SPNS3: variants seen among roughly 807,000 people sequenced by gnomAD.
The protein encoded by SPNS3 is SPNS lysolipid transporter 3, sphingosine-1-phosphate (putative), also known as protein spinster homolog 3.
A neutral mutation model predicts 54.4 loss-of-function variants in SPNS3; 51 were observed. The ratio of observed to expected loss-of-function variants is 0.94; its 90% CI spans 0.75 to 1.18. SPNS3 has a LOEUF of 1.18. SPNS3 is among the 50% of genes most tolerant of loss of function. The probability of loss-of-function intolerance (pLI) is 0.00; values close to 1 mark genes in which losing one functional copy is unlikely to be tolerated. For synonymous variants in SPNS3, 309 were observed against 294.7 expected, an observed-to-expected ratio of 1.05 and a Z score of -0.50; for missense variants, 669 against 677.4, an observed-to-expected ratio of 0.99 and a Z score of 0.14.
intron 8 of SPNS3, among the ~76,000 whole-genome samples, chr17:4,460,454 CAG>C (rs1322139559): frequency 1.7e-5 from 2 of 118,956 alleles, no homozygotes; most frequent in African/African-American, 6.8e-5. Context: ...TTTTTTGAGA[CAG>C]AGTCTCACTC....
Position 4,445,166 on chromosome 17 carries a change from C to CG in SPNS3, c.402+1dup. 1.9e-6 allele frequency: 3 copies of CG among 1,611,986 alleles called. No homozygotes were observed. In the South Asian group the frequency reaches 3.3e-5, roughly 18 times the overall value. On this transcript the variant is annotated frameshift_variant and splice_region_variant, in exon 3 of 12. Coordinates refer to ENST00000355530, the MANE Select transcript of SPNS3 (RefSeq NM_182538.5). LOFTEE classifies it high-confidence loss of function. ...CCTCTCTAGCTCCTTCATCTCCCCC[C>CG]GGGTACGTGTCCATGCCCCTGTCCA... is the stretch of plus-strand genomic sequence containing the variant.
At chr17:4,484,247 C>A (rs563920278) in intron 9 of SPNS3, among the ~76,000 whole-genome samples, 1 of 152,182 alleles carries the variant, frequency 6.6e-6, no homozygotes, top group Non-Finnish European at 1.5e-5. Context: ...TCATCATCTC[C>A]CTCTCATGGG....
chr17:4,485,480 C>T (rs957051153), intron 9 of SPNS3, among the ~76,000 whole-genome samples: 3 of 151,894 alleles, frequency 2.0e-5, no homozygotes. Context: ...TCACTGCAAC[C>T]TCCGCCTCCC....
intron 3 of SPNS3, 50 bp downstream of exon 3, chr17:4,445,218 C>T: frequency 1.9e-6 from 3 of 1,556,138 alleles, no homozygotes; most frequent in Non-Finnish European, 2.6e-6. Context: ...TCCCCACCTG[C>T]TTCCTCCCTG....
chr17:4,458,387 CTTCTTTCT>C (rs74211665), intron 8 of SPNS3, among the ~76,000 whole-genome samples: 2 of 132,554 alleles, frequency 1.5e-5, no homozygotes, highest in Non-Finnish European at 3.2e-5. Flanking sequence ...CCCTTTCTTT[CTTCTTTCT>C]TTCTTTCTTT....
intron 8 of SPNS3, among the ~76,000 whole-genome samples, chr17:4,475,288 CAG>C (rs1971960487): frequency 1.3e-5 from 2 of 152,120 alleles, no homozygotes; most frequent in African/African-American, 2.4e-5. Flanking sequence ...TCTGAGGAGA[CAG>C]GGGCAGAGTC....
At chr17:4,481,327 G>T (rs1036269967) in intron 9 of SPNS3, among the ~76,000 whole-genome samples, 124 of 152,000 alleles carry the variant, frequency 8.2e-4, no homozygotes, top group African/African-American at 2.9e-3. Flanking sequence ...TGGGGACAGG[G>T]TCTGTGGCAG....
intron 2 of SPNS3, among the ~76,000 whole-genome samples, chr17:4,442,718 A>G (rs1013365386): frequency 6.6e-6 from 1 of 152,170 alleles, no homozygotes; most frequent in Non-Finnish European, 1.5e-5. Context: ...ATATCAACTT[A>G]TTTAATCTTC....
chr17:4,471,961 C>T (rs540399752), intron 8 of SPNS3, among the ~76,000 whole-genome samples: 9 of 152,086 alleles, frequency 5.9e-5, no homozygotes, highest in Non-Finnish European at 8.8e-5. Context: ...TGGGTTCAAG[C>T]GATCCTCCTG....
At chr17:4,469,362 C>T (rs564331531) in intron 8 of SPNS3, among the ~76,000 whole-genome samples, 1 of 152,312 alleles carries the variant, frequency 6.6e-6, no homozygotes, top group Admixed American at 6.5e-5. Context: ...GCTGGGATTA[C>T]AGGCGTGAGC....
chr17:4,460,967 G>A (rs1019170235), intron 8 of SPNS3, among the ~76,000 whole-genome samples: 44 of 152,142 alleles, frequency 2.9e-4, no homozygotes, highest in African/African-American at 1.0e-3. Context: ...CACCAGCGAA[G>A]CCATCTGGTT....
At chr17:4,458,650 C>CTTTCTTTCTTTCTTTCTTTCT (rs1971412374) in intron 8 of SPNS3, among the ~76,000 whole-genome samples, 1 of 46,328 alleles carries the variant, frequency 2.2e-5, no homozygotes, top group African/African-American at 7.9e-5. Flanking sequence ...TCTTTCTTTC[C>CTTTCTTTCTTTCTTTCTTTCT]TTCCTTCTTT....
intron 8 of SPNS3, among the ~76,000 whole-genome samples, chr17:4,467,768 T>C (rs7224249): frequency 0.08 from 12,247 of 152,232 alleles, 1,570 homozygotes; most frequent in African/African-American, 0.27. Flanking sequence ...TGAATTCAAG[T>C]GATTCTTCTG....
chr17:4,437,943 C>T (rs986577496), intron 1 of SPNS3, among the ~76,000 whole-genome samples: 1 of 152,060 alleles, frequency 6.6e-6, no homozygotes, highest in African/African-American at 2.4e-5. Flanking sequence ...TGTGCCACAA[C>T]ATCTGGCTAA....
At chr17:4,467,687 A>G (rs925003399) in intron 8 of SPNS3, among the ~76,000 whole-genome samples, 3 of 152,176 alleles carry the variant, frequency 2.0e-5, no homozygotes, top group African/African-American at 7.2e-5. Flanking sequence ...TTATTTATTT[A>G]TGACAGAATC....
intron 8 of SPNS3, among the ~76,000 whole-genome samples, chr17:4,464,216 G>A (rs1036170675): frequency 6.6e-6 from 1 of 152,212 alleles, no homozygotes; most frequent in Non-Finnish European, 1.5e-5. Context: ...CATCTTTCCA[G>A]TCCTCTTGGC....
intron 8 of SPNS3, among the ~76,000 whole-genome samples, chr17:4,466,233 C>G (rs947489105): frequency 6.6e-6 from 1 of 152,202 alleles, no homozygotes; most frequent in African/African-American, 2.4e-5. Context: ...GTGTGTAATA[C>G]AATAAACATG....
In SPNS3 at chr17:4,441,451, A is replaced by G. The variant is rs143247844; in HGVS notation, c.265+1728A>G. On this transcript the variant is annotated intron_variant, in intron 2 of 11. Transcript: ENST00000355530. ...ATGCATGGTTTCCAATTGCCCCTCA[A>G]TCTTGTGGCCAAGAGACAGCAGCTG... Among the ~76,000 whole-genome samples, 99 of 152,308 alleles carry G rather than the reference A, an allele frequency of 6.5e-4. 1 individual carries two copies. Among genetic ancestry groups the G allele is most frequent in the African/African-American group, 1.8e-3 (76 of 41,574 alleles).
rs548668938 is a variant in SPNS3 at position 4,438,353 on chromosome 17, A to T, written c.200-1305A>T. ...TCATCTGTAGAATGGGGGCAATGAC[A>T]GTCCCCCTCTTTTAGGATGACAACT... is the stretch of plus-strand genomic sequence containing the variant. On this transcript the variant is annotated intron_variant, in intron 1 of 11. Transcript: ENST00000355530. Among the ~76,000 whole-genome samples the T allele has an allele frequency of 2.0e-5, 3 of 152,320 alleles. No homozygotes were observed. In the South Asian group the frequency reaches 6.2e-4, roughly 32 times the overall value.
Sources: allele counts gnomAD v4.1 joint callset (sites outside exome capture counted in the v4.1 genomes callset), GRCh38; gene constraint gnomAD v4.1.1; transcripts MANE v1.5; gene names NCBI Gene and HGNC (gene_info 2026-07-23, HGNC 2026-07-21).